Variants in FANCI observed in about 807,000 individuals in gnomAD.
FANCI encodes Fanconi anemia group I protein.
In FANCI, 156 loss-of-function variants were observed where a neutral mutation model predicts 176.1. That is an observed-to-expected ratio of 0.89 (90% CI 0.78 to 1.01). FANCI has a LOEUF of 1.01. Ranked by LOEUF, FANCI falls within the 50% of genes least tolerant of loss-of-function variation. FANCI has a pLI of 0.00. For synonymous variants in FANCI, 613 were observed against 541.7 expected (o/e 1.13, Z -1.83); for missense variants, 1,678 against 1,534.1 (o/e 1.09, Z -1.57).
intron 27 of FANCI, among the ~76,000 whole-genome samples, chr15:89,301,982 G>A (rs139279447): frequency 2.6e-5 from 4 of 152,176 alleles, no homozygotes; most frequent in African/African-American, 4.8e-5. Flanking sequence ...GTGTGCACAC[G>A]TAGATGTAGA....
At chr15:89,311,696 C>G (rs544358938) in intron 34 of FANCI, among the ~76,000 whole-genome samples, 28 of 152,306 alleles carry the variant, frequency 1.8e-4, no homozygotes, top group African/African-American at 5.3e-4. Context: ...GTCTGCAGTT[C>G]CTTATTTTCC....
chr15:89,261,754 C>T lies in FANCI; in HGVS notation c.445+13C>T, dbSNP rs369924984. ...GCTTATGGAAAAGGTAATTTTCTTC[C>T]GACTTTAGTGGCTTTTTCTCTATGC... On this transcript the variant is annotated intron_variant, in intron 5 of 37. Transcript: ENST00000310775. 1.3e-5 allele frequency: 21 copies of T among 1,613,926 alleles called. No individual in the cohort carries two copies. The highest frequency in any genetic ancestry group is 3.3e-5 in the Admixed American group (2 of 59,994).
At chr15:89,309,547 T>C (rs891128310) in intron 34 of FANCI, among the ~76,000 whole-genome samples, 8 of 152,030 alleles carry the variant, frequency 5.3e-5, no homozygotes, top group African/African-American at 1.5e-4. Flanking sequence ...CTGGGCAACA[T>C]AGTGAGACCC....
At chr15:89,272,731 G>A (rs905054851) in intron 10 of FANCI, among the ~76,000 whole-genome samples, 9 of 151,878 alleles carry the variant, frequency 5.9e-5, no homozygotes, top group African/African-American at 1.7e-4. Context: ...ATGCAGTGGC[G>A]CAATCTGAGC....
chr15:89,278,747 G>T lies in FANCI; in HGVS notation c.1354G>T (p.Ala452Ser). The change falls in exon 14 of 38, where the codon GCA becomes TCA. Residue 452 changes from alanine to serine, a missense_variant. This residue lies in a region of FANCI where 1,204 missense variants were observed against 1,077.4 expected (regional missense o/e 1.12). Coordinates refer to ENST00000310775, the MANE Select transcript of FANCI (RefSeq NM_001113378.2). ...EQVLNRVVTRASSPISHFLDL... is the reference protein window; with the variant it reads ...EQVLNRVVTRSSSPISHFLDL... The stretch of plus-strand genomic sequence containing the variant: ...GGTCCTCAACAGGGTTGTTACCAGA[G>T]CATCTTCTCCCATCAGTCATTTCTT... 6.2e-7 allele frequency: 1 copy of T among 1,613,702 alleles called. No individual in the cohort carries two copies. The highest frequency in any genetic ancestry group is 8.5e-7 in the Non-Finnish European group (1 of 1,179,680).
At chr15:89,261,043 C>T (rs972743456) in intron 4 of FANCI, among the ~76,000 whole-genome samples, 200 bp downstream of exon 4, 3 of 152,042 alleles carry the variant, frequency 2.0e-5, no homozygotes, top group Non-Finnish European at 4.4e-5. Flanking sequence ...AGGTGAGGAT[C>T]GCTTGAGCTC....
At chr15:89,247,551 A>G in intron 1 of FANCI, 78 bp from the exon 2 acceptor site, 1 of 979,896 alleles carries the variant, frequency 1.0e-6, no homozygotes, top group Non-Finnish European at 1.7e-6. Context: ...TGAAATATTC[A>G]GTTAACAGGG....
chr15:89,296,418 T>TG lies in FANCI; in HGVS notation c.2636+1324_2636+1325insG, dbSNP rs71149291. Among the ~76,000 whole-genome samples, 398 of 150,868 alleles carry TG rather than the reference T, an allele frequency of 2.6e-3. 7 individuals are homozygous for TG. Among genetic ancestry groups the TG allele is most frequent in the East Asian group, 0.014 (74 of 5,150 alleles). On this transcript the variant is annotated intron_variant, in intron 24 of 37. Coordinates refer to ENST00000310775, the MANE Select transcript of FANCI (RefSeq NM_001113378.2). The stretch of plus-strand genomic sequence containing the variant: ...CCACTGTGGCTTTTGTTTTTTCGTT[T>TG]TTTTTGTTTTGTTTTGTTTTTGTTT...
rs758597713 is a variant in FANCI, at chr15:89,306,148, AG to A, written c.3493del (p.Asp1165ThrfsTer34). 2.0e-5 allele frequency: 33 copies of A among 1,614,076 alleles called. No homozygotes were observed. In the Admixed American group the frequency reaches 4.5e-4, roughly 22 times the overall value. ...PSGSCVDTLL[K>X]DLCKMYTTLT... ...GGCAGCTGTGTGGACACCTTGTTAAAGGACTTGTGCAAAATGTACACCACAC... is the reference window on the plus strand; with the variant it reads ...GGCAGCTGTGTGGACACCTTGTTAAAGACTTGTGCAAAATGTACACCACAC... On this transcript the variant is annotated frameshift_variant, in exon 32 of 38. Coordinates refer to ENST00000310775, the MANE Select transcript of FANCI (RefSeq NM_001113378.2). LOFTEE classifies it high-confidence loss of function.
At chr15:89,287,852 G>C (rs2053881187) in intron 18 of FANCI, among the ~76,000 whole-genome samples, 1 of 152,102 alleles carries the variant, frequency 6.6e-6, no homozygotes, top group Non-Finnish European at 1.5e-5. Context: ...TATCAATTAA[G>C]TTCACTATCT....
At chr15:89,273,613 A>T in intron 11 of FANCI, 144 bp downstream of exon 11, 1 of 651,000 alleles carries the variant, frequency 1.5e-6, no homozygotes, top group Non-Finnish European at 2.8e-6. Flanking sequence ...CTGCAATAAG[A>T]CATGTATGTC....
chr15:89,288,009 G>A (rs928031619), intron 18 of FANCI, among the ~76,000 whole-genome samples: 78 of 152,334 alleles, frequency 5.1e-4, no homozygotes, highest in African/African-American at 1.8e-3. Flanking sequence ...GAGACATGCA[G>A]TGAGCACATG....
At chr15:89,295,732 G>GGCC (rs2054236252) in intron 24 of FANCI, among the ~76,000 whole-genome samples, 1 of 114,460 alleles carries the variant, frequency 8.7e-6, no homozygotes, top group Non-Finnish European at 1.9e-5. Context: ...TTCCCCTGGC[G>GGCC]CCCCCCCCAC....
chr15:89,290,978 C>T (rs2054043184), intron 19 of FANCI, among the ~76,000 whole-genome samples: 1 of 152,144 alleles, frequency 6.6e-6, no homozygotes, highest in African/African-American at 2.4e-5. Flanking sequence ...TTGTATCTTT[C>T]AAACTGTAAT....
chr15:89,267,956 G>T (rs909714650), intron 9 of FANCI, among the ~76,000 whole-genome samples: 7 of 152,174 alleles, frequency 4.6e-5, no homozygotes, highest in African/African-American at 1.7e-4. Flanking sequence ...TAGATAGACA[G>T]ACAGACAGGA....
At chr15:89,264,909 A>G (rs2052874446) in intron 9 of FANCI, among the ~76,000 whole-genome samples, 1 of 152,208 alleles carries the variant, frequency 6.6e-6, no homozygotes. Flanking sequence ...CAGTCAGACA[A>G]TGTCCCTGCT....
intron 27 of FANCI, 48 bp from the exon 28 acceptor site, chr15:89,303,816 G>A (rs775136126): frequency 7.8e-6 from 12 of 1,529,662 alleles, no homozygotes; most frequent in African/African-American, 1.4e-5. Flanking sequence ...CAACACCTAG[G>A]TCTATCTCTG....
chr15:89,271,181 T>G (rs2053186502), intron 10 of FANCI, among the ~76,000 whole-genome samples: 1 of 152,206 alleles, frequency 6.6e-6, no homozygotes, highest in Non-Finnish European at 1.5e-5. Flanking sequence ...TAGCACAAAA[T>G]TATTTTATTC....
intron 18 of FANCI, among the ~76,000 whole-genome samples, chr15:89,288,155 A>T (rs149455106): frequency 6.6e-6 from 1 of 152,312 alleles, no homozygotes; most frequent in Non-Finnish European, 1.5e-5. Context: ...TGTATAAACC[A>T]CATTGTTTAA....
Sources: allele counts gnomAD v4.1 joint callset (sites outside exome capture counted in the v4.1 genomes callset), GRCh38; gene constraint gnomAD v4.1.1; regional missense constraint gnomAD v4.1.1; transcripts MANE v1.5; gene names NCBI Gene and HGNC (gene_info 2026-07-23, HGNC 2026-07-21).